The following BBX variants were observed in gnomAD, a reference collection of about 807,000 sequenced individuals.
The protein encoded by BBX is BBX high mobility group box domain containing, also known as HMG box transcription factor BBX.
Under a neutral mutation model 100.2 loss-of-function variants are expected in BBX, and 30 were observed. The observed-to-expected ratio is 0.30, with a 90% CI of 0.22 to 0.41. BBX has a LOEUF of 0.41. Ranked by LOEUF, BBX falls within the 10% of genes least tolerant of loss-of-function variation. BBX has a pLI of 1.00. For synonymous variants in BBX, 376 were observed against 388.1 expected, an observed-to-expected ratio of 0.97 and a Z score of 0.37; for missense variants, 1,023 against 1,129.8, an observed-to-expected ratio of 0.91 and a Z score of 1.35.
intron 10 of BBX, among the ~76,000 whole-genome samples, chr3:107,759,534 G>T (rs577942440): frequency 7.5e-4 from 114 of 152,006 alleles, no homozygotes; most frequent in African/African-American, 2.7e-3. Flanking sequence ...CACTGAAGAG[G>T]GTCAGAGATA....
intron 2 of BBX, among the ~76,000 whole-genome samples, chr3:107,640,796 G>A (rs1289590884): frequency 6.6e-6 from 1 of 151,974 alleles, no homozygotes; most frequent in Non-Finnish European, 1.5e-5. Flanking sequence ...CAAGTAGCTG[G>A]GATTACAGGC....
chr3:107,577,228 A>G (rs1249041348), intron 2 of BBX, among the ~76,000 whole-genome samples: 1 of 152,192 alleles, frequency 6.6e-6, no homozygotes, highest in East Asian at 1.9e-4. Flanking sequence ...TCTCATTATT[A>G]AAACACTGAA....
chr3:107,680,692 C>T (rs2059527095), intron 3 of BBX, among the ~76,000 whole-genome samples: 1 of 152,072 alleles, frequency 6.6e-6, no homozygotes, highest in Admixed American at 6.6e-5. Context: ...TTGACCGGTC[C>T]GTTAAGACAT....
intron 16 of BBX, 110 bp downstream of exon 16, chr3:107,798,830 T>C (rs111751727): frequency 1.5e-5 from 15 of 993,300 alleles, no homozygotes; most frequent in African/African-American, 1.2e-4. Context: ...CAATAGCCAA[T>C]GAGCTAAAAA....
intron 5 of BBX, among the ~76,000 whole-genome samples, chr3:107,720,589 C>T (rs747342959): frequency 5.9e-5 from 9 of 151,862 alleles, no homozygotes; most frequent in Admixed American, 1.3e-4. Flanking sequence ...GCAAAAACCA[C>T]GAGAGACCAG....
At chr3:107,757,388 C>G (rs1367237389) in intron 10 of BBX, among the ~76,000 whole-genome samples, 1 of 151,996 alleles carries the variant, frequency 6.6e-6, no homozygotes, top group Non-Finnish European at 1.5e-5. Context: ...GAAACAGATG[C>G]TATGGTTTAA....
In BBX at chr3:107,791,278, G is replaced by A; in HGVS notation, c.2332G>A (p.Asp778Asn). 1 of 1,613,220 alleles carries A rather than the reference G, an allele frequency of 6.2e-7. No individual in the cohort carries two copies. The highest frequency in any genetic ancestry group is 8.5e-7 in the Non-Finnish European group (1 of 1,179,448). The change falls in exon 15 of 18, where the codon GAT (aspartate) becomes AAT (asparagine). Residue 778 changes from aspartate (D) to asparagine (N), a missense_variant. Coordinates refer to ENST00000325805, the MANE Select transcript of BBX (RefSeq NM_001142568.3). ...DKWSNKQLFL[D>N]AIHPTEAIFS... ...ATGGTCAAACAAGCAACTCTTCTTG[G>A]ATGCCATTCACCCTACAGAAGGTAA...
At chr3:107,650,974 C>A (rs1006601560) in intron 3 of BBX, among the ~76,000 whole-genome samples, 3 of 152,116 alleles carry the variant, frequency 2.0e-5, no homozygotes, top group Admixed American at 6.5e-5. Flanking sequence ...CCTTACATGG[C>A]CTTTCCTCTG....
intron 3 of BBX, among the ~76,000 whole-genome samples, chr3:107,676,641 A>AT (rs2059295294): frequency 6.6e-6 from 1 of 152,156 alleles, no homozygotes; most frequent in African/African-American, 2.4e-5. Flanking sequence ...TTATGCAGCC[A>AT]TTATAGGTCC....
intron 2 of BBX, among the ~76,000 whole-genome samples, chr3:107,544,166 C>T (rs1316246013): frequency 6.6e-6 from 1 of 152,140 alleles, no homozygotes; most frequent in South Asian, 2.1e-4. Flanking sequence ...ATCATTCAGC[C>T]CTGAACTTCC....
intron 3 of BBX, among the ~76,000 whole-genome samples, chr3:107,709,490 A>G (rs1047641363): frequency 6.6e-6 from 1 of 152,358 alleles, no homozygotes; most frequent in Non-Finnish European, 1.5e-5. Flanking sequence ...TAATTTTAGC[A>G]ACTGTACTTG....
intron 2 of BBX, among the ~76,000 whole-genome samples, chr3:107,575,391 C>A (rs1163196645): frequency 1.3e-5 from 2 of 151,958 alleles, no homozygotes; most frequent in Non-Finnish European, 2.9e-5. Context: ...TTTGATTATT[C>A]AATGTTTGCT....
In BBX at chr3:107,687,033, GT is replaced by G. The variant is rs948085049; in HGVS notation, c.-9-23414del. ...ATTGACTTTTTTTAAGGAAAAAAATGTTTTTCAATATACTTTCTAAATAGAT... is the reference window on the plus strand; with the variant it reads ...ATTGACTTTTTTTAAGGAAAAAAATGTTTTCAATATACTTTCTAAATAGAT... On this transcript the variant is annotated intron_variant, in intron 3 of 17. Coordinates refer to ENST00000325805, the MANE Select transcript of BBX (RefSeq NM_001142568.3). Among the ~76,000 whole-genome samples the G allele has an allele frequency of 9.2e-5, 14 of 152,230 alleles. No homozygotes were observed. The South Asian group carries it at 2.1e-3, about 23-fold the overall frequency.
intron 2 of BBX, among the ~76,000 whole-genome samples, chr3:107,586,593 T>C (rs1009113778): frequency 2.0e-5 from 3 of 152,204 alleles, no homozygotes; most frequent in African/African-American, 7.2e-5. Context: ...CCATGAAATA[T>C]ACCTAAAATG....
At position 107,655,086 on chromosome 3, in the gene BBX, T is replaced by C. The variant is rs544530906; in HGVS notation, c.-10+9177T>C. Among the ~76,000 whole-genome samples, 209 of 152,338 alleles carry C rather than the reference T, an allele frequency of 1.4e-3. 2 individuals are homozygous for C. Among genetic ancestry groups the C allele is most frequent in the Middle Eastern group, 3.4e-3 (1 of 294 alleles). Reference sequence around the variant, plus strand: ...TTTTACTATGTTGGGAAAATCTTTATTGAATACAAGATGGACTTGCTTTCC... The same window carrying C: ...TTTTACTATGTTGGGAAAATCTTTACTGAATACAAGATGGACTTGCTTTCC... On this transcript the variant is annotated intron_variant, in intron 3 of 17. Transcript: ENST00000325805.
Position 107,774,750 on chromosome 3 carries a change from T to G in BBX, c.1947T>G (p.Ser649=), listed in dbSNP as rs757487454. ...GAAGCTCAGGAAAAGGAAACTCCTCTGATCATGAAGGGTGTTGGAATGAAG... is the reference window on the plus strand; with the variant it reads ...GAAGCTCAGGAAAAGGAAACTCCTCGGATCATGAAGGGTGTTGGAATGAAG... ...GKRSSGKGNS[S]DHEGCWNEES... The change falls in exon 12 of 18, where the codon TCT becomes TCG. Residue 649 remains serine, a synonymous_variant. Coordinates refer to ENST00000325805, the MANE Select transcript of BBX (RefSeq NM_001142568.3). 1 of 1,613,406 alleles carries G rather than the reference T, an allele frequency of 6.2e-7. No individual in the cohort carries two copies. Among genetic ancestry groups the G allele is most frequent in the South Asian group, 1.1e-5 (1 of 91,036 alleles).
intron 2 of BBX, among the ~76,000 whole-genome samples, chr3:107,619,308 TAG>T (rs952551731): frequency 6.6e-6 from 1 of 152,106 alleles, no homozygotes; most frequent in African/African-American, 2.4e-5. Flanking sequence ...AGCATATAGT[TAG>T]ATCATTTTTT....
At chr3:107,738,252 CTG>C (rs1196551908) in intron 7 of BBX, among the ~76,000 whole-genome samples, 1 of 151,716 alleles carries the variant, frequency 6.6e-6, no homozygotes, top group South Asian at 2.1e-4. Flanking sequence ...TTATTATAAA[CTG>C]TATAATAAAA....
At chr3:107,557,908 G>A (rs536364673) in intron 2 of BBX, among the ~76,000 whole-genome samples, 1 of 152,342 alleles carries the variant, frequency 6.6e-6, no homozygotes, top group Non-Finnish European at 1.5e-5. Context: ...AGGGGGGAAA[G>A]CAGGATGAGG....
Sources: allele counts gnomAD v4.1 joint callset (sites outside exome capture counted in the v4.1 genomes callset), GRCh38; gene constraint gnomAD v4.1.1; transcripts MANE v1.5; gene names NCBI Gene and HGNC (gene_info 2026-07-23, HGNC 2026-07-21).